The following ERBB2 variants were observed in gnomAD, a reference collection of about 807,000 sequenced individuals.
ERBB2 encodes the protein receptor tyrosine-protein kinase erbB-2.
Under a neutral mutation model 149.0 loss-of-function variants are expected in ERBB2, and 61 were observed. That is an observed-to-expected ratio of 0.41 (90% CI 0.33 to 0.51). ERBB2 has a LOEUF of 0.51. Among genes scored for constraint, ERBB2 ranks in the 20% least tolerant of loss-of-function variants. ERBB2 has a pLI of 0.25. For missense variants in ERBB2, 1,205 were observed against 1,655.1 expected (o/e 0.73, Z 4.72); for synonymous variants, 633 against 678.8 (o/e 0.93, Z 1.05).
At position 39,700,224 on chromosome 17, in the gene ERBB2, G is replaced by C; in HGVS notation, c.-15G>C. 1 of 1,441,504 alleles carries C rather than the reference G, an allele frequency of 6.9e-7. No individual in the cohort carries two copies. Among genetic ancestry groups the C allele is most frequent in the Non-Finnish European group, 9.1e-7 (1 of 1,101,786 alleles). The allele number at this position is 1,441,504 out of a possible 1,614,324, so 89.3% of individuals were successfully genotyped here. On this transcript the variant is annotated 5_prime_UTR_variant, in exon 1 of 27. Transcript: ENST00000269571. Reference sequence around the variant, plus strand: ...GTCCAGCCGGAGCCATGGGGCCGGAGCCGCAGTGAGCACCATGGAGCTGGC... The same window carrying C: ...GTCCAGCCGGAGCCATGGGGCCGGACCCGCAGTGAGCACCATGGAGCTGGC...
upstream of ERBB2, among the ~76,000 whole-genome samples, chr17:39,690,433 G>T (rs1263621042): frequency 6.6e-6 from 1 of 152,140 alleles, no homozygotes; most frequent in Non-Finnish European, 1.5e-5. Context: ...AACTAACAAT[G>T]GAAATTTGTT....
Position 39,726,506 on chromosome 17 carries a change from G to A in ERBB2, c.2873-56G>A, listed in dbSNP as rs2143120103. The A allele has an allele frequency of 6.9e-7, 1 of 1,443,886 alleles. No homozygotes were observed. Among genetic ancestry groups the A allele is most frequent in the South Asian group, 1.2e-5 (1 of 86,754 alleles). 89.4% of individuals were successfully genotyped at this position (1,443,886 alleles called of 1,614,324 possible). A position where few individuals can be genotyped will look rare whatever the true frequency, so the allele number is the denominator to read the frequency against. ...AGACTGGAGGGGGAGTGGGAGGGGA[G>A]AGGCAGCAAGCACACAGGGCCTGGG... On this transcript the variant is annotated intron_variant, in intron 23 of 26. Transcript: ENST00000269571. The surrounding 1 kb of genome is among the most constrained non-coding windows in gnomAD (Gnocchi z 5.1).
intron 16 of ERBB2, among the ~76,000 whole-genome samples, chr17:39,721,465 G>A (rs539207622): frequency 6.6e-6 from 1 of 152,178 alleles, no homozygotes; most frequent in South Asian, 2.1e-4. Flanking sequence ...GTAGAGATGA[G>A]GTTTTGCCAT....
In ERBB2 at chr17:39,725,902, G is replaced by C; in HGVS notation, c.2872+49G>C. On this transcript the variant is annotated intron_variant, in intron 23 of 26. Transcript: ENST00000269571. This position sits in a 1 kb window ranked among gnomAD's most constrained non-coding sequence, Gnocchi z 4.6. ...TGCCTGGAGGAGGGTGGGAGGTCCT[G>C]GGTGGAGGAGCCCACAAGGGGCATG... 3 of 1,603,004 alleles carry C rather than the reference G, an allele frequency of 1.9e-6. No individual in the cohort carries two copies. The highest frequency in any genetic ancestry group is 1.3e-5 in the African/African-American group (1 of 74,558).
chr17:39,690,100 T>C (rs1368213536), upstream of ERBB2, among the ~76,000 whole-genome samples: 1 of 152,146 alleles, frequency 6.6e-6, no homozygotes, highest in Non-Finnish European at 1.5e-5. Context: ...AAAATTTTTT[T>C]TCCCAGACAG....
chr17:39,709,829 G>T lies in ERBB2; in HGVS notation c.591G>T (p.Pro197=), dbSNP rs762217415. 1 of 1,613,300 alleles carries T rather than the reference G, an allele frequency of 6.2e-7. No homozygotes were observed. The highest frequency in any genetic ancestry group is 8.5e-7 in the Non-Finnish European group (1 of 1,179,988). The change falls in exon 5 of 27, where the codon CCG becomes CCT. Residue 197 remains proline (P), a synonymous_variant. Coordinates refer to ENST00000269571, the MANE Select transcript of ERBB2 (RefSeq NM_004448.4). ...NRSRACHPCS[P]MCKGSRCWGE... is the part of the protein sequence containing the mutation. ...TGTCCTCAGGCCACCCCTGTTCTCC[G>T]ATGTGTAAGGGCTCCCGCTGCTGGG...
rs2143315801 is a variant in ERBB2 at position 39,727,968 on chromosome 17, G to T, written c.3692G>T (p.Gly1231Val). 1 of 1,613,796 alleles carries T rather than the reference G, an allele frequency of 6.2e-7. No individual in the cohort carries two copies. Among genetic ancestry groups the T allele is most frequent in the Non-Finnish European group, 8.5e-7 (1 of 1,180,008 alleles). Residue 1231 changes from glycine to valine, a missense_variant, in exon 27 of 27, where the codon GGG (glycine) becomes GTG (valine). By Grantham distance (109) the Gly-to-Val change is moderately radical. Transcript: ENST00000269571. The surrounding 1 kb of genome is among the most constrained non-coding windows in gnomAD (Gnocchi z 4.3). ...TGGGACCAGGACCCACCAGAGCGGG[G>T]GGCTCCACCCAGCACCTTCAAAGGG... The part of the protein sequence containing the change: ...YYWDQDPPER[G>V]APPSTFKGTP...
intron 13 of ERBB2, 24 bp downstream of exon 13, chr17:39,716,457 G>T: frequency 6.2e-7 from 1 of 1,613,028 alleles, no homozygotes. Flanking sequence ...AGGAGAGGGT[G>T]GCTGGAGGGG....
At chr17:39,711,907 A>G (rs2145557289) in intron 7 of ERBB2, 21 bp from the exon 8 acceptor site, 1 of 1,613,910 alleles carries the variant, frequency 6.2e-7, no homozygotes, top group Non-Finnish European at 8.5e-7. Context: ...GTATGTGGCT[A>G]CATGTTCCTG....
chr17:39,693,987 A>G (rs1214591014), upstream of ERBB2, among the ~76,000 whole-genome samples: 1 of 148,192 alleles, frequency 6.7e-6, no homozygotes, highest in Non-Finnish European at 1.5e-5. Flanking sequence ...GGAGTTTGAG[A>G]CCAGCCTGGC....
upstream of ERBB2, among the ~76,000 whole-genome samples, chr17:39,690,523 G>A (rs887240988): frequency 6.6e-6 from 1 of 152,198 alleles, no homozygotes; most frequent in African/African-American, 2.4e-5. Flanking sequence ...GTTAATGGTG[G>A]AAGTGGGAGT....
Position 39,700,238 on chromosome 17 carries a change from C to T in ERBB2, c.-1C>T, listed in dbSNP as rs1464103673. 6.9e-7 allele frequency: 1 copy of T among 1,444,416 alleles called. No individual in the cohort carries two copies. The highest frequency in any genetic ancestry group is 9.1e-7 in the Non-Finnish European group (1 of 1,102,880). The allele number at this position is 1,444,416 out of a possible 1,614,324, so 89.5% of individuals were successfully genotyped here. ...ATGGGGCCGGAGCCGCAGTGAGCACCATGGAGCTGGCGGCCTTGTGCCGCT... is the reference window on the plus strand; with the variant it reads ...ATGGGGCCGGAGCCGCAGTGAGCACTATGGAGCTGGCGGCCTTGTGCCGCT... On this transcript the variant is annotated 5_prime_UTR_variant, in exon 1 of 27. Coordinates refer to ENST00000269571, the MANE Select transcript of ERBB2 (RefSeq NM_004448.4).
rs2143172705 is a variant in ERBB2, at chr17:39,726,864, C to A, written c.3020C>A (p.Ser1007Ter). 6.2e-7 allele frequency: 1 copy of A among 1,613,826 alleles called. No individual in the cohort carries two copies. The highest frequency in any genetic ancestry group is 8.5e-7 in the Non-Finnish European group (1 of 1,179,826). ...ASPLDSTFYR[S>*]LLEDDDMGDL... Reference sequence around the variant, plus strand: ...CCCTTGGACAGCACCTTCTACCGCTCACTGCTGGAGGACGATGACATGGGG... The same window carrying A: ...CCCTTGGACAGCACCTTCTACCGCTAACTGCTGGAGGACGATGACATGGGG... Residue 1007 changes from serine (S) to a stop codon, truncating the protein, a stop_gained, in exon 25 of 27, where the codon TCA becomes TAA. Coordinates refer to ENST00000269571, the MANE Select transcript of ERBB2 (RefSeq NM_004448.4). LOFTEE classifies it high-confidence loss of function. The surrounding 1 kb of genome is among the most constrained non-coding windows in gnomAD (Gnocchi z 5.1).
upstream of ERBB2, among the ~76,000 whole-genome samples, chr17:39,691,378 C>T (rs1010942213): frequency 6.6e-6 from 1 of 151,484 alleles, no homozygotes; most frequent in Non-Finnish European, 1.5e-5. Flanking sequence ...CCCATCTCTA[C>T]TAAAAATACA....
At chr17:39,691,710 T>C (rs1028089299), upstream of ERBB2, among the ~76,000 whole-genome samples, 2 of 148,960 alleles carry the variant, frequency 1.3e-5, no homozygotes, top group African/African-American at 4.9e-5. Flanking sequence ...GCATTAGTCA[T>C]TGTTTTCAAT....
At chr17:39,696,262 C>T (rs1299663662), upstream of ERBB2, among the ~76,000 whole-genome samples, 13 of 152,034 alleles carry the variant, frequency 8.6e-5, no homozygotes, top group African/African-American at 4.8e-5. Flanking sequence ...TTCAGAGGCT[C>T]GGCCCCTCTC....
In ERBB2 at chr17:39,723,599, AAG is replaced by A; in HGVS notation, c.2151_2152del (p.Glu717AspfsTer25). 1 of 1,608,440 alleles carries A rather than the reference AAG, an allele frequency of 6.2e-7. No individual in the cohort carries two copies. Among genetic ancestry groups the A allele is most frequent in the Non-Finnish European group, 8.5e-7 (1 of 1,177,412 alleles). Reference sequence around the variant, plus strand: ...AACCAGGCGCAGATGCGGATCCTGAAAGAGACGGAGCTGAGGAAGGTGAAGGT... The same window carrying A: ...AACCAGGCGCAGATGCGGATCCTGAAAGACGGAGCTGAGGAAGGTGAAGGT... On this transcript the variant is annotated frameshift_variant, in exon 18 of 27. Transcript: ENST00000269571. LOFTEE classifies it high-confidence loss of function. This position sits in a 1 kb window ranked among gnomAD's most constrained non-coding sequence, Gnocchi z 6.2.
At chr17:39,713,723 A>C in intron 9 of ERBB2, among the ~76,000 whole-genome samples, 1 of 149,580 alleles carries the variant, frequency 6.7e-6, no homozygotes, top group Non-Finnish European at 1.5e-5. Context: ...ATTGCACTCC[A>C]GCCTGGGCGA....
rs1407580330 is a variant in ERBB2 at position 39,725,646 on chromosome 17, C to G, written c.2726-61C>G. 28 of 1,538,120 alleles carry G rather than the reference C, an allele frequency of 1.8e-5. No homozygotes were observed. The highest frequency in any genetic ancestry group is 8.0e-5 in the Admixed American group (4 of 49,966). ...GATGCTAGACTCCTGAGCAGAACCT[C>G]TGGCTCAGTACACTAAAGCTCCCTC... On this transcript the variant is annotated intron_variant, in intron 22 of 26. Coordinates refer to ENST00000269571, the MANE Select transcript of ERBB2 (RefSeq NM_004448.4). This position sits in a 1 kb window ranked among gnomAD's most constrained non-coding sequence, Gnocchi z 4.6.
Sources: gnomAD v4.1 joint callset for allele counts (sites outside exome capture counted in the v4.1 genomes callset) on GRCh38, gnomAD v4.1.1 for gene constraint, Gnocchi (gnomAD v3.1) non-coding constraint, MANE v1.5 for transcripts, NCBI Gene and HGNC (gene_info 2026-07-23, HGNC 2026-07-21) for gene names.